HP1BP3: variants seen among roughly 807,000 people sequenced by gnomAD.
The protein encoded by HP1BP3 is heterochromatin protein 1-binding protein 3.
HP1BP3 carries 12 observed loss-of-function variants against 62.5 expected under a neutral mutation model. The observed-to-expected ratio is 0.19, with a 90% CI of 0.12 to 0.31. The LOEUF is 0.31. Ranked by LOEUF, HP1BP3 falls within the 10% of genes least tolerant of loss-of-function variation. The pLI is 1.00. For synonymous variants in HP1BP3, 260 were observed against 237.8 expected (o/e 1.09, Z -0.86); for missense variants, 502 against 651.8 (o/e 0.77, Z 2.50).
Position 20,743,148 on chromosome 1 carries a change from G to T in HP1BP3, c.*1649C>A, listed in dbSNP as rs1160814927. 3 of 151,016 alleles carry T rather than the reference G, an allele frequency of 2.0e-5. No homozygotes were observed. Among genetic ancestry groups the T allele is most frequent in the Non-Finnish European group, 4.4e-5 (3 of 67,750 alleles). 9.4% of individuals were successfully genotyped at this position (151,016 alleles called of 1,614,324 possible). ...TTTTTTTTTTTAATATCTCAAAAAG[G>T]AAGCCACTTGCTTGATATCAAAAGT... On this transcript the variant is annotated 3_prime_UTR_variant, in exon 13 of 13. Coordinates refer to ENST00000438032, the MANE Select transcript of HP1BP3 (RefSeq NM_001372052.1).
chr1:20,746,131 A>T (rs1163416876), intron 11 of HP1BP3, among the ~76,000 whole-genome samples: 1 of 151,930 alleles, frequency 6.6e-6, no homozygotes, highest in African/African-American at 2.4e-5. Flanking sequence ...CCTTGGTGGT[A>T]TGAACCTTGA....
Position 20,782,930 on chromosome 1 carries a change from AAG to A in HP1BP3, c.-100-2392_-100-2391del, listed in dbSNP as rs1470685794. On this transcript the variant is annotated intron_variant, in intron 1 of 12. Coordinates refer to ENST00000438032, the MANE Select transcript of HP1BP3 (RefSeq NM_001372052.1). ...AAAGAAAAAAAAAAAAAAAAAAAGA[AAG>A]AAAAAACCCACACACACAAAAGATA... Among the ~76,000 whole-genome samples the A allele has an allele frequency of 3.9e-4, 58 of 149,366 alleles. 1 individual carries two copies. Among genetic ancestry groups the A allele is most frequent in the African/African-American group, 1.2e-3 (50 of 40,872 alleles).
intron 10 of HP1BP3, among the ~76,000 whole-genome samples, chr1:20,748,881 T>G (rs530896513): frequency 6.6e-6 from 1 of 152,348 alleles, no homozygotes; most frequent in South Asian, 2.1e-4. Flanking sequence ...CTTCTAATAG[T>G]TCATTGAGAA....
At chr1:20,761,219 G>A (rs1283972572) in intron 8 of HP1BP3, among the ~76,000 whole-genome samples, 2 of 151,896 alleles carry the variant, frequency 1.3e-5, no homozygotes, top group African/African-American at 4.8e-5. Context: ...TAATTTTTTT[G>A]TATTTTTAGT....
intron 1 of HP1BP3, chr1:20,786,475 G>A (rs1238375836): frequency 6.6e-6 from 1 of 152,494 alleles, no homozygotes; most frequent in East Asian, 1.9e-4. Context: ...CACGGCGGGG[G>A]AGAGCGCGGG....
At chr1:20,748,551 C>CACCGTA (rs2055493152) in intron 10 of HP1BP3, among the ~76,000 whole-genome samples, 1 of 152,190 alleles carries the variant, frequency 6.6e-6, no homozygotes, top group Non-Finnish European at 1.5e-5. Context: ...TTGAGATCAT[C>CACCGTA]TTGGCTAATA....
At chr1:20,775,480 A>G (rs533383949) in intron 4 of HP1BP3, 1 of 152,362 alleles carries the variant, frequency 6.6e-6, no homozygotes, top group Non-Finnish European at 1.5e-5. Context: ...AAGTTTTAAA[A>G]GTTTTTAAAA....
At chr1:20,748,075 G>GA (rs958046409) in intron 10 of HP1BP3, among the ~76,000 whole-genome samples, 366 of 142,372 alleles carry the variant, frequency 2.6e-3, no homozygotes, top group African/African-American at 8.4e-3. Context: ...ATTTCACAGG[G>GA]AAAAAAAAAA....
intron 11 of HP1BP3, 22 bp downstream of exon 11, chr1:20,747,522 C>T: frequency 1.5e-6 from 2 of 1,354,670 alleles, no homozygotes; most frequent in Non-Finnish European, 2.1e-6. Context: ...TTACAGTGAT[C>T]TATTATAGGC....
Position 20,742,299 on chromosome 1 carries a change from C to A in HP1BP3, c.*2498G>T, listed in dbSNP as rs1312382401. 1.3e-5 allele frequency among the ~76,000 whole-genome samples: 2 copies of A among 152,170 alleles called. No homozygotes were observed. The highest frequency in any genetic ancestry group is 2.9e-5 in the Non-Finnish European group (2 of 68,038). The stretch of plus-strand genomic sequence containing the variant: ...CTAGAGAGCACAGGAGTAATTACTA[C>A]AATTACTTCTAGAATTTGATGTCTA... On this transcript the variant is annotated 3_prime_UTR_variant, in exon 13 of 13. Transcript: ENST00000438032.
At chr1:20,777,330 A>C (rs1241338996) in intron 3 of HP1BP3, among the ~76,000 whole-genome samples, 1 of 152,124 alleles carries the variant, frequency 6.6e-6, no homozygotes, top group African/African-American at 2.4e-5. Context: ...AAAGGACTCC[A>C]GTGGCAAGCA....
intron 8 of HP1BP3, among the ~76,000 whole-genome samples, chr1:20,761,731 G>C (rs1211815361): frequency 6.6e-6 from 1 of 152,210 alleles, no homozygotes; most frequent in Non-Finnish European, 1.5e-5. Context: ...TAAAAGATGA[G>C]AGGCCTAAGG....
In HP1BP3 at chr1:20,741,562, A is replaced by G. The variant is rs576233000; in HGVS notation, c.*3235T>C. Among the ~76,000 whole-genome samples, 1 of 152,360 alleles carries G rather than the reference A, an allele frequency of 6.6e-6. No homozygotes were observed. Among genetic ancestry groups the G allele is most frequent in the South Asian group, 2.1e-4 (1 of 4,832 alleles). ...GACCAGGTTTCCTTTAATTAAGTCC[A>G]TGTGGATGCATAGTCAGAATCCATG... On this transcript the variant is annotated 3_prime_UTR_variant, in exon 13 of 13. Coordinates refer to ENST00000438032, the MANE Select transcript of HP1BP3 (RefSeq NM_001372052.1).
chr1:20,786,263 C>T (rs2057823176), intron 1 of HP1BP3: 1 of 152,322 alleles, frequency 6.6e-6, no homozygotes, highest in Non-Finnish European at 1.5e-5. Context: ...CGAGGCACCG[C>T]TCTCATTCAA....
rs1261563296 is a variant in HP1BP3 at position 20,740,486 on chromosome 1, A to G, written c.*4311T>C. On this transcript the variant is annotated 3_prime_UTR_variant, in exon 13 of 13. Coordinates refer to ENST00000438032, the MANE Select transcript of HP1BP3 (RefSeq NM_001372052.1). The stretch of plus-strand genomic sequence containing the variant: ...CAAAGGTAGAAAGTTTTCCAACAGG[A>G]AAAAAGCCACTGAAGTTAACAGTCT... Among the ~76,000 whole-genome samples the G allele has an allele frequency of 1.3e-5, 2 of 152,252 alleles. No homozygotes were observed. Among genetic ancestry groups the G allele is most frequent in the Non-Finnish European group, 2.9e-5 (2 of 68,048 alleles).
chr1:20,777,642 T>A (rs1294933569), intron 3 of HP1BP3, among the ~76,000 whole-genome samples: 1 of 152,112 alleles, frequency 6.6e-6, no homozygotes, highest in Non-Finnish European at 1.5e-5. Flanking sequence ...GTATTTTTAG[T>A]AGTGACAGGG....
At chr1:20,760,897 TCTCA>T (rs1165498218) in intron 8 of HP1BP3, among the ~76,000 whole-genome samples, 9 of 152,112 alleles carry the variant, frequency 5.9e-5, no homozygotes, top group South Asian at 2.1e-4. Flanking sequence ...AAAGTCTCAC[TCTCA>T]CTATGATGGT....
chr1:20,773,432 G>T lies in HP1BP3; in HGVS notation c.510+19C>A. The stretch of plus-strand genomic sequence containing the variant: ...GAACATAATAAATCTAAGATGAATT[G>T]CTTGAAATAAAAACTTGCCTTAATG... On this transcript the variant is annotated intron_variant, in intron 5 of 12. Transcript: ENST00000438032. 6.3e-7 allele frequency: 1 copy of T among 1,580,300 alleles called. No homozygotes were observed. The highest frequency in any genetic ancestry group is 8.6e-7 in the Non-Finnish European group (1 of 1,162,100).
intron 1 of HP1BP3, chr1:20,786,417 A>C (rs1196458059): frequency 6.6e-6 from 1 of 151,536 alleles, no homozygotes; most frequent in Non-Finnish European, 1.5e-5. Context: ...AGAGCAGCGG[A>C]GACAAAGCAG....
Sources: allele counts gnomAD v4.1 joint callset (sites outside exome capture counted in the v4.1 genomes callset), GRCh38; gene constraint gnomAD v4.1.1; transcripts MANE v1.5; gene names NCBI Gene and HGNC (gene_info 2026-07-23, HGNC 2026-07-21).